Variants in GALNTL6 observed in about 807,000 individuals in gnomAD.
The protein encoded by GALNTL6 is polypeptide N-acetylgalactosaminyltransferase like 6.
GALNTL6 carries 46 observed loss-of-function variants against 73.7 expected under a neutral mutation model. That is an observed-to-expected ratio of 0.62 (90% CI 0.49 to 0.80). The LOEUF (loss-of-function observed/expected upper bound fraction) is 0.80, where lower values mean the gene tolerates loss of function less well. Ranked by LOEUF, GALNTL6 falls within the 30% of genes least tolerant of loss-of-function variation. The pLI is 0.00. For synonymous variants in GALNTL6, 259 were observed against 263.7 expected (o/e 0.98, Z 0.17); for missense variants, 604 against 755.0 (o/e 0.80, Z 2.34).
At chr4:172,949,412 G>T (rs1749329655) in intron 9 of GALNTL6, among the ~76,000 whole-genome samples, 1 of 151,984 alleles carries the variant, frequency 6.6e-6, no homozygotes, top group Non-Finnish European at 1.5e-5. Context: ...ATTATTACTA[G>T]GTCATTTGCT....
intron 3 of GALNTL6, among the ~76,000 whole-genome samples, chr4:172,259,509 G>C (rs1738186920): frequency 6.7e-6 from 1 of 150,050 alleles, no homozygotes; most frequent in Admixed American, 6.7e-5. Context: ...CTGGATATTA[G>C]TCCTTTGTCG....
intron 2 of GALNTL6, among the ~76,000 whole-genome samples, chr4:171,855,895 C>T (rs576362802): frequency 3.3e-4 from 51 of 152,242 alleles, no homozygotes; most frequent in South Asian, 8.3e-4. Flanking sequence ...AATTTTGCAT[C>T]GGCAAATGTT....
chr4:172,954,010 G>C (rs1266901192), intron 10 of GALNTL6, among the ~76,000 whole-genome samples: 1 of 152,118 alleles, frequency 6.6e-6, no homozygotes, highest in South Asian at 2.1e-4. Flanking sequence ...ATAAGGTTCT[G>C]TTTGTCATCT....
At chr4:172,204,626 C>T (rs1372905864) in intron 2 of GALNTL6, among the ~76,000 whole-genome samples, 1 of 152,052 alleles carries the variant, frequency 6.6e-6, no homozygotes, top group Non-Finnish European at 1.5e-5. Flanking sequence ...TCTTAGTTTG[C>T]ATGATAAATT....
At chr4:172,423,366 C>T (rs891592159) in intron 5 of GALNTL6, among the ~76,000 whole-genome samples, 3 of 151,952 alleles carry the variant, frequency 2.0e-5, no homozygotes, top group Non-Finnish European at 4.4e-5. Flanking sequence ...ACCTAATTTG[C>T]CCCCTTTTTT....
intron 5 of GALNTL6, among the ~76,000 whole-genome samples, chr4:172,693,208 A>G (rs570062784): frequency 1.6e-3 from 246 of 152,328 alleles, no homozygotes; most frequent in Non-Finnish European, 2.8e-3. Context: ...TTTTTAAAAT[A>G]TATAGAATTT....
At chr4:172,662,560 G>A (rs1731432905) in intron 5 of GALNTL6, among the ~76,000 whole-genome samples, 1 of 152,172 alleles carries the variant, frequency 6.6e-6, no homozygotes, top group Non-Finnish European at 1.5e-5. Context: ...ATTAACATGG[G>A]CCTTGAAAGA....
intron 2 of GALNTL6, among the ~76,000 whole-genome samples, chr4:171,831,072 A>G (rs1248387784): frequency 1.3e-5 from 2 of 152,106 alleles, no homozygotes; most frequent in African/African-American, 2.4e-5. Flanking sequence ...ATAGACTGAT[A>G]TATTTCAAGG....
At chr4:171,993,032 C>T (rs1011396319) in intron 2 of GALNTL6, among the ~76,000 whole-genome samples, 2 of 151,260 alleles carry the variant, frequency 1.3e-5, no homozygotes, top group South Asian at 4.1e-4. Flanking sequence ...TACATACATC[C>T]TTTAAGTCCC....
chr4:172,873,066 G>A (rs189392777), intron 7 of GALNTL6, among the ~76,000 whole-genome samples: 1 of 152,320 alleles, frequency 6.6e-6, no homozygotes, highest in Non-Finnish European at 1.5e-5. Flanking sequence ...TTCTTCAGTG[G>A]TACCTAGTCA....
chr4:172,471,267 C>A (rs1011510423), intron 5 of GALNTL6, among the ~76,000 whole-genome samples: 1 of 152,076 alleles, frequency 6.6e-6, no homozygotes, highest in African/African-American at 2.4e-5. Flanking sequence ...AGCTTCAGTC[C>A]CAATTCCAGA....
rs187858434 is a variant in GALNTL6, at chr4:171,956,773, T to C, written c.138+142055T>C. 7.5e-4 allele frequency among the ~76,000 whole-genome samples: 115 copies of C among 152,336 alleles called. 1 individual carries two copies. Among genetic ancestry groups the C allele is most frequent in the African/African-American group, 2.6e-3 (108 of 41,578 alleles). On this transcript the variant is annotated intron_variant, in intron 2 of 12. Transcript: ENST00000506823. ...TACTTTAGACCCTTTGCTTTTTTCATTCTCTTCTTCTGGAATGCATCTCTC... is the reference window on the plus strand; with the variant it reads ...TACTTTAGACCCTTTGCTTTTTTCACTCTCTTCTTCTGGAATGCATCTCTC...
At chr4:171,922,797 C>T (rs1737833467) in intron 2 of GALNTL6, among the ~76,000 whole-genome samples, 2 of 151,976 alleles carry the variant, frequency 1.3e-5, no homozygotes, top group Admixed American at 1.3e-4. Flanking sequence ...TTATTAACTG[C>T]TGATTACATT....
intron 5 of GALNTL6, among the ~76,000 whole-genome samples, chr4:172,757,418 G>A (rs910141303): frequency 2.6e-5 from 4 of 152,276 alleles, no homozygotes; most frequent in Non-Finnish European, 5.9e-5. Context: ...TGGGTTATAG[G>A]ATTTGGTAAC....
chr4:172,467,008 G>A (rs1188553459), intron 5 of GALNTL6, among the ~76,000 whole-genome samples: 3 of 152,088 alleles, frequency 2.0e-5, no homozygotes, highest in African/African-American at 7.2e-5. Context: ...TAACTGTCTG[G>A]GAGGATGCCC....
At chr4:172,098,180 A>G (rs187856888) in intron 2 of GALNTL6, among the ~76,000 whole-genome samples, 2 of 152,176 alleles carry the variant, frequency 1.3e-5, no homozygotes, top group Non-Finnish European at 2.9e-5. Context: ...CTCTCTCTAT[A>G]TATAAGACAT....
rs1371248858 is a variant in GALNTL6, at chr4:171,907,069, T to C, written c.138+92351T>C. ...AATGGGCAAAAACTGGAAGCATTCC[T>C]TTTGAAAACTGGCACAAGACAGGGA... On this transcript the variant is annotated intron_variant, in intron 2 of 12. Transcript: ENST00000506823. 6.6e-5 allele frequency among the ~76,000 whole-genome samples: 10 copies of C among 152,106 alleles called. No individual in the cohort carries two copies. The East Asian group carries it at 1.7e-3, about 26-fold the overall frequency.
intron 5 of GALNTL6, among the ~76,000 whole-genome samples, chr4:172,742,719 G>A (rs7674050): frequency 2.0e-5 from 3 of 151,770 alleles, no homozygotes; most frequent in Admixed American, 6.6e-5. Flanking sequence ...CAGATAAAGC[G>A]AACAACAAAC....
At chr4:171,828,571 A>G (rs563525606) in intron 2 of GALNTL6, among the ~76,000 whole-genome samples, 27 of 152,276 alleles carry the variant, frequency 1.8e-4, no homozygotes, top group African/African-American at 6.5e-4. Context: ...TGGTATTGAT[A>G]AACACAATGC....
Sources: allele counts gnomAD v4.1 joint callset (sites outside exome capture counted in the v4.1 genomes callset), GRCh38; gene constraint gnomAD v4.1.1; transcripts MANE v1.5; gene names NCBI Gene and HGNC (gene_info 2026-07-23, HGNC 2026-07-21).